Variants in OTUD3 observed in about 807,000 individuals in gnomAD.
OTUD3 encodes the protein OTU deubiquitinase 3.
In OTUD3, 24 loss-of-function variants were observed where a neutral mutation model predicts 46.2. The observed-to-expected ratio is 0.52, with a 90% CI of 0.38 to 0.73. OTUD3 has a LOEUF of 0.73. OTUD3 is among the 30% of genes least tolerant of loss of function. The pLI is 0.00. For missense variants in OTUD3, 455 were observed against 523.3 expected (o/e 0.87, Z 1.27); for synonymous variants, 189 against 195.4 (o/e 0.97, Z 0.27).
chr1:19,901,954 G>A lies in OTUD3; in HGVS notation c.607-2313G>A, dbSNP rs148905134. ...AGGTTGTTCCCACCTTTTGGCTATT[G>A]AGAATAGTGCTGCTGTGAGTATATG... On this transcript the variant is annotated intron_variant, in intron 4 of 7. Coordinates refer to ENST00000375120, the MANE Select transcript of OTUD3 (RefSeq NM_015207.2). Among the ~76,000 whole-genome samples, 631 of 152,262 alleles carry A rather than the reference G, an allele frequency of 4.1e-3. 5 individuals are homozygous for A. Among genetic ancestry groups the A allele is most frequent in the Non-Finnish European group, 6.5e-3 (441 of 68,014 alleles).
At chr1:19,882,811 G>GTCCA (rs1301746106) in intron 1 of OTUD3, 77 bp downstream of exon 1, 1 of 1,210,482 alleles carries the variant, frequency 8.3e-7, no homozygotes. Context: ...GCCCGCTCGC[G>GTCCA]TCCATCCATC....
At chr1:19,906,838 C>T (rs2045668351) in intron 7 of OTUD3, 6 of 412,690 alleles carry the variant, frequency 1.5e-5, no homozygotes, top group Non-Finnish European at 2.6e-5. Context: ...TGAAATTGTC[C>T]TCAGTGTACA....
At chr1:19,889,282 C>T (rs1221058767) in intron 1 of OTUD3, among the ~76,000 whole-genome samples, 1 of 148,164 alleles carries the variant, frequency 6.7e-6, no homozygotes, top group Non-Finnish European at 1.5e-5. Flanking sequence ...TAATTCTCCC[C>T]TCCCCTGCAA....
At chr1:19,900,962 G>A (rs2045581135) in intron 4 of OTUD3, among the ~76,000 whole-genome samples, 1 of 122,632 alleles carries the variant, frequency 8.2e-6, no homozygotes, top group Non-Finnish European at 1.6e-5. Context: ...CTGTTGCCCT[G>A]TTGCCCAGGC....
In OTUD3 at chr1:19,890,438, A is replaced by G; in HGVS notation, c.275A>G (p.His92Arg). ...CAATTGGAGGGACACTCACGAAATC[A>G]TCTCAAGCACAGACAGGAGACAGTG... ...GDQLEGHSRN[H>R]LKHRQETVDY... The change falls in exon 2 of 8, where the codon CAT (histidine) becomes CGT (arginine). Residue 92 changes from histidine (H) to arginine (R), a missense_variant. His to Arg is a conservative substitution (Grantham distance 29). Transcript: ENST00000375120. 6.2e-7 allele frequency: 1 copy of G among 1,614,012 alleles called. No homozygotes were observed. The highest frequency in any genetic ancestry group is 1.1e-5 in the South Asian group (1 of 91,072).
intron 1 of OTUD3, among the ~76,000 whole-genome samples, chr1:19,886,711 G>A (rs1399311397): frequency 6.6e-6 from 1 of 152,194 alleles, no homozygotes; most frequent in Non-Finnish European, 1.5e-5. Flanking sequence ...ACTTCAGTAT[G>A]CAACATAACC....
intron 5 of OTUD3, 48 bp from the exon 6 acceptor site, chr1:19,904,843 T>C (rs754688796): frequency 4.3e-5 from 38 of 890,690 alleles, no homozygotes; most frequent in Admixed American, 1.1e-4. Context: ...CAGAAAAATA[T>C]ACCCAGAGTT....
At chr1:19,893,138 G>A (rs2045471222) in intron 2 of OTUD3, among the ~76,000 whole-genome samples, 1 of 152,066 alleles carries the variant, frequency 6.6e-6, no homozygotes, top group Non-Finnish European at 1.5e-5. Flanking sequence ...CTTACCTCCC[G>A]CTCCTCAATT....
intron 4 of OTUD3, among the ~76,000 whole-genome samples, chr1:19,903,326 ACAGGTGTGAGC>A (rs1264838873): frequency 6.6e-6 from 1 of 152,234 alleles, no homozygotes; most frequent in Admixed American, 6.5e-5. Context: ...TGCTGGGATT[ACAGGTGTGAGC>A]CACTGCACCA....
chr1:19,904,226 AT>A (rs2045628046), intron 4 of OTUD3, 40 bp from the exon 5 acceptor site: 1 of 1,504,682 alleles, frequency 6.6e-7, no homozygotes, highest in South Asian at 1.3e-5. Flanking sequence ...ACATAGTTTG[AT>A]TCTCAACATA....
chr1:19,893,354 G>A (rs2045475349), intron 2 of OTUD3, among the ~76,000 whole-genome samples: 1 of 152,130 alleles, frequency 6.6e-6, no homozygotes, highest in Non-Finnish European at 1.5e-5. Flanking sequence ...ACGGGGAAAG[G>A]ATGCAGATCA....
intron 6 of OTUD3, among the ~76,000 whole-genome samples, chr1:19,905,362 A>G (rs2045645169): frequency 1.3e-5 from 2 of 152,136 alleles, no homozygotes. Flanking sequence ...TCTGGTGGAA[A>G]TATTTAGATT....
rs372656324 is a variant in OTUD3, at chr1:19,904,964, G to A, written c.812G>A (p.Arg271Gln). ...NIESAIIAVL[R>Q]MNQGKRNNAE... ...GAATCTGCAATAATTGCCGTGCTTC[G>A]GATGAACCAAGGGAAGAGAAATAGT... Residue 271 changes from arginine (R) to glutamine (Q), a missense_variant, in exon 6 of 8, where the codon CGG becomes CAG. Arg to Gln is a conservative substitution (Grantham distance 43). Transcript: ENST00000375120. 27 of 1,580,530 alleles carry A rather than the reference G, an allele frequency of 1.7e-5. No homozygotes were observed. In the African/African-American group the frequency reaches 1.9e-4, roughly 11 times the overall value.
intron 1 of OTUD3, 122 bp downstream of exon 1, chr1:19,882,856 C>A: frequency 1.1e-6 from 1 of 884,416 alleles, no homozygotes; most frequent in Non-Finnish European, 1.5e-6. Context: ...CTCCCGCGAG[C>A]CAGCCACGCT....
intron 4 of OTUD3, among the ~76,000 whole-genome samples, chr1:19,901,294 T>G (rs902537113): frequency 3.3e-5 from 5 of 152,250 alleles, no homozygotes; most frequent in African/African-American, 1.2e-4. Context: ...GTTGAGTCTT[T>G]TATTATTTAA....
At chr1:19,902,459 C>A (rs2100307105) in intron 4 of OTUD3, among the ~76,000 whole-genome samples, 1 of 152,324 alleles carries the variant, frequency 6.6e-6, no homozygotes, top group South Asian at 2.1e-4. Flanking sequence ...CCCACCTCGG[C>A]CTCCCAAAGT....
intron 2 of OTUD3, among the ~76,000 whole-genome samples, chr1:19,892,875 G>C (rs770606153): frequency 6.6e-6 from 1 of 152,142 alleles, no homozygotes; most frequent in East Asian, 1.9e-4. Flanking sequence ...ATAGAGCCCA[G>C]ACTTTTTAGT....
chr1:19,912,928 T>A lies in OTUD3; in HGVS notation c.*5182T>A, dbSNP rs913384489. ...AAATGGAGTTTTGTATACCAATAAA[T>A]TCTAGTTTAAAAACAAAGTTTTAAG... is the stretch of plus-strand genomic sequence containing the variant. On this transcript the variant is annotated 3_prime_UTR_variant, in exon 8 of 8. Coordinates refer to ENST00000375120, the MANE Select transcript of OTUD3 (RefSeq NM_015207.2). The A allele has an allele frequency of 7.9e-5, 12 of 152,392 alleles. No individual in the cohort carries two copies. Among genetic ancestry groups the A allele is most frequent in the Non-Finnish European group, 1.5e-4 (10 of 68,050 alleles). 9.4% of individuals were successfully genotyped at this position (152,392 alleles called of 1,614,324 possible).
intron 1 of OTUD3, among the ~76,000 whole-genome samples, chr1:19,886,449 C>T (rs1017144057): frequency 7.2e-5 from 11 of 152,128 alleles, no homozygotes; most frequent in African/African-American, 2.2e-4. Context: ...TTGCCTGTGT[C>T]ACCTGAACAG....
Sources: allele counts gnomAD v4.1 joint callset (sites outside exome capture counted in the v4.1 genomes callset), GRCh38; gene constraint gnomAD v4.1.1; transcripts MANE v1.5; gene names NCBI Gene and HGNC (gene_info 2026-07-23, HGNC 2026-07-21).